USP45: variants seen among roughly 807,000 people sequenced by gnomAD.
USP45 encodes the protein ubiquitin carboxyl-terminal hydrolase 45.
USP45 carries 89 observed loss-of-function variants against 95.8 expected under a neutral mutation model. The observed-to-expected ratio is 0.93, with a 90% CI of 0.78 to 1.11. USP45 has a LOEUF of 1.11. Among genes scored for constraint, USP45 ranks in the 50% least tolerant of loss-of-function variants. The pLI is 0.00. For synonymous variants in USP45, 281 were observed against 316.2 expected (o/e 0.89, Z 1.18); for missense variants, 898 against 942.5 (o/e 0.95, Z 0.62).
intron 1 of USP45, chr6:99,515,140 G>C (rs1368971491): frequency 6.6e-6 from 1 of 152,368 alleles, no homozygotes; most frequent in African/African-American, 2.4e-5. Flanking sequence ...CAGGGGACTC[G>C]GGCCCCTCCC....
At chr6:99,447,479 T>C (rs1288847399) in intron 13 of USP45, among the ~76,000 whole-genome samples, 2 of 152,202 alleles carry the variant, frequency 1.3e-5, no homozygotes, top group Admixed American at 6.5e-5. Context: ...TATAGTACTT[T>C]TTTTTGGAAA....
At chr6:99,488,128 T>C in intron 7 of USP45, 72 bp downstream of exon 7, 1 of 1,003,520 alleles carries the variant, frequency 1.0e-6, no homozygotes, top group South Asian at 1.4e-5. Flanking sequence ...GATCTGCGAA[T>C]TAGGAAAAGA....
rs201236782 is a variant in USP45, at chr6:99,437,362, T to C, written c.2198A>G (p.Tyr733Cys). 1.3e-5 allele frequency: 21 copies of C among 1,608,002 alleles called. No homozygotes were observed. In the East Asian group the frequency reaches 3.6e-4, roughly 27 times the overall value. Reference sequence around the variant, plus strand: ...CGAGCCACTATGTTCCACTATGCCATAGAGACCGTAGAGAACTTTATCTCC... The same window carrying C: ...CGAGCCACTATGTTCCACTATGCCACAGAGACCGTAGAGAACTTTATCTCC... ...SVGDKVLYGL[Y>C]GIVEHSGSMR... is the part of the protein sequence containing the mutation. The change falls in exon 17 of 18, where the codon TAT becomes TGT. Residue 733 changes from tyrosine to cysteine, a missense_variant. Physicochemically the swap from Tyr to Cys is radical, Grantham distance 194. Transcript: ENST00000500704.
intron 5 of USP45, chr6:99,501,989 G>T (rs1028053182): frequency 1.5e-6 from 2 of 1,303,134 alleles, no homozygotes; most frequent in South Asian, 2.5e-5. Flanking sequence ...CTGAAGAGAT[G>T]AATCAGGATG....
intron 5 of USP45, among the ~76,000 whole-genome samples, chr6:99,492,631 A>G (rs759650164): frequency 1.0e-4 from 15 of 149,856 alleles, no homozygotes; most frequent in Non-Finnish European, 2.1e-4. Flanking sequence ...AGTAGTTGGG[A>G]TTACAGGCAT....
At chr6:99,497,468 A>G (rs17059608) in intron 5 of USP45, among the ~76,000 whole-genome samples, 2,749 of 152,268 alleles carry the variant, frequency 0.018, 79 homozygotes, top group African/African-American at 0.063. Context: ...AAAAGAGACA[A>G]CTTGGTGCCC....
upstream of USP45, among the ~76,000 whole-genome samples, chr6:99,516,488 A>G (rs899105584): frequency 2.0e-5 from 3 of 152,246 alleles, no homozygotes; most frequent in Admixed American, 2.0e-4. Flanking sequence ...AAACTCTTCT[A>G]ACAGTATTTA....
At chr6:99,455,581 T>C (rs1454959195) in intron 13 of USP45, among the ~76,000 whole-genome samples, 5 of 152,012 alleles carry the variant, frequency 3.3e-5, no homozygotes, top group Admixed American at 6.6e-5. Flanking sequence ...TGCACCCCCA[T>C]GTTTACTGCA....
At chr6:99,479,341 C>A (rs1791736054) in intron 8 of USP45, among the ~76,000 whole-genome samples, 1 of 151,910 alleles carries the variant, frequency 6.6e-6, no homozygotes, top group East Asian at 1.9e-4. Context: ...TCTAGAGTAG[C>A]TGGGACTACA....
chr6:99,473,262 C>T (rs1054831055), intron 9 of USP45, among the ~76,000 whole-genome samples: 1 of 151,770 alleles, frequency 6.6e-6, no homozygotes, highest in Non-Finnish European at 1.5e-5. Context: ...ACAGGGAGCC[C>T]GGAGTGGCAG....
intron 13 of USP45, among the ~76,000 whole-genome samples, chr6:99,455,437 C>T (rs957818126): frequency 1.3e-5 from 2 of 149,440 alleles, no homozygotes; most frequent in African/African-American, 5.0e-5. Context: ...GGCGATGGAG[C>T]GAGACTCTGT....
chr6:99,471,300 G>C (rs1789342536), intron 9 of USP45, among the ~76,000 whole-genome samples: 1 of 152,078 alleles, frequency 6.6e-6, no homozygotes, highest in African/African-American at 2.4e-5. Context: ...TACATACTTT[G>C]GTCAGGGAGC....
At chr6:99,503,894 T>C (rs773482475) in intron 4 of USP45, 29 bp from the exon 5 acceptor site, 1 of 1,430,524 alleles carries the variant, frequency 7.0e-7, no homozygotes, top group Non-Finnish European at 9.5e-7. Flanking sequence ...TAAGAAAATA[T>C]TATGAAAATA....
intron 13 of USP45, among the ~76,000 whole-genome samples, chr6:99,453,109 T>C (rs1433454762): frequency 6.7e-6 from 1 of 148,662 alleles, no homozygotes; most frequent in Non-Finnish European, 1.5e-5. Flanking sequence ...CACACCAACA[T>C]GGCACATGTA....
At chr6:99,438,944 C>T (rs1255712008) in intron 16 of USP45, among the ~76,000 whole-genome samples, 1 of 152,110 alleles carries the variant, frequency 6.6e-6, no homozygotes, top group East Asian at 1.9e-4. Context: ...ATAAGTTTAA[C>T]ACAAAGATTG....
intron 10 of USP45, among the ~76,000 whole-genome samples, chr6:99,467,133 C>G (rs573983609): frequency 1.4e-4 from 21 of 152,148 alleles, no homozygotes; most frequent in African/African-American, 4.8e-4. Flanking sequence ...ATGCCAGGAT[C>G]ACGGCTATGA....
intron 5 of USP45, among the ~76,000 whole-genome samples, chr6:99,494,182 TAAATC>T (rs1182851176): frequency 6.6e-6 from 1 of 152,158 alleles, no homozygotes. Context: ...CCTTGGGAAA[TAAATC>T]AAAACTAATA....
intron 9 of USP45, among the ~76,000 whole-genome samples, chr6:99,472,363 G>A (rs1175151254): frequency 1.3e-5 from 2 of 151,716 alleles, no homozygotes; most frequent in African/African-American, 4.8e-5. Context: ...TTACAGACAC[G>A]CATCACCATG....
At chr6:99,504,518 A>C (rs145016140) in intron 4 of USP45, among the ~76,000 whole-genome samples, 1 of 152,334 alleles carries the variant, frequency 6.6e-6, no homozygotes, top group East Asian at 1.9e-4. Context: ...TAGGAAGAGA[A>C]ACAGATTAGT....
Sources: allele counts gnomAD v4.1 joint callset (sites outside exome capture counted in the v4.1 genomes callset), GRCh38; gene constraint gnomAD v4.1.1; transcripts MANE v1.5; gene names NCBI Gene and HGNC (gene_info 2026-07-23, HGNC 2026-07-21).